The following UTP11 variants were observed in gnomAD, a reference collection of about 807,000 sequenced individuals.
The protein encoded by UTP11 is probable U3 small nucleolar RNA-associated protein 11.
A neutral mutation model predicts 39.0 loss-of-function variants in UTP11; 29 were observed. That is an observed-to-expected ratio of 0.74 (90% confidence interval 0.55 to 1.01). UTP11 has a LOEUF of 1.01. Among genes scored for constraint, UTP11 ranks in the 50% least tolerant of loss-of-function variants. The probability of loss-of-function intolerance (pLI) is 0.00; values close to 1 mark genes in which losing one functional copy is unlikely to be tolerated. For synonymous variants in UTP11, 111 were observed against 105.0 expected, an observed-to-expected ratio of 1.06 and a Z score of -0.35; for missense variants, 281 against 306.0, an observed-to-expected ratio of 0.92 and a Z score of 0.61.
At chr1:38,018,628 A>G in intron 4 of UTP11, 51 bp downstream of exon 4, 1 of 1,321,668 alleles carries the variant, frequency 7.6e-7, no homozygotes, top group Non-Finnish European at 1.1e-6. Context: ...AGGGAAACTT[A>G]AATTCATCAA....
intron 7 of UTP11, 74 bp from the exon 8 acceptor site, chr1:38,023,471 G>C (rs559397290): frequency 3.4e-5 from 46 of 1,344,944 alleles, no homozygotes; most frequent in Non-Finnish European, 4.3e-5. Context: ...GGTGCTAATA[G>C]GTAGTTTATT....
chr1:38,012,762 A>G lies in UTP11; in HGVS notation c.-41A>G, dbSNP rs561704515. The G allele has an allele frequency of 2.0e-5, 33 of 1,613,792 alleles. No homozygotes were observed. In the East Asian group the frequency reaches 4.7e-4, roughly 23 times the overall value. On this transcript the variant is annotated 5_prime_UTR_variant, in exon 1 of 8. Coordinates refer to ENST00000373014, the MANE Select transcript of UTP11 (RefSeq NM_016037.4). ...GGACTTGGCGGCAGAGGCAGTGCGG[A>G]TCCGGCGTTCTCCACTGATCTTTTC...
intron 6 of UTP11, among the ~76,000 whole-genome samples, chr1:38,020,760 G>A (rs957071684): frequency 6.6e-6 from 1 of 152,166 alleles, no homozygotes; most frequent in Non-Finnish European, 1.5e-5. Flanking sequence ...GCAATAAAGC[G>A]AAAACAAAAG....
At chr1:38,022,564 C>T (rs777892662) in intron 6 of UTP11, 135 bp from the exon 7 acceptor site, 270 of 637,620 alleles carry the variant, frequency 4.2e-4, no homozygotes, top group South Asian at 1.3e-3. Flanking sequence ...GTTATTGTTA[C>T]CACGTTATGT....
chr1:38,019,220 C>T lies in UTP11; in HGVS notation c.437-33C>T, dbSNP rs776253941. On this transcript the variant is annotated intron_variant, in intron 5 of 7. Transcript: ENST00000373014. Reference sequence around the variant, plus strand: ...GTCTGTGTCATTTGGTGTTAGAAACCGACAGTGCCTTAAGGATTGTCTTGA... The same window carrying T: ...GTCTGTGTCATTTGGTGTTAGAAACTGACAGTGCCTTAAGGATTGTCTTGA... The T allele has an allele frequency of 1.1e-5, 18 of 1,613,630 alleles. 1 individual carries two copies. The East Asian group carries it at 2.0e-4, about 18-fold the overall frequency.
intron 1 of UTP11, 23 bp downstream of exon 1, chr1:38,012,888 A>C: frequency 6.2e-7 from 1 of 1,614,142 alleles, no homozygotes; most frequent in Non-Finnish European, 8.5e-7. Context: ...AGGCCCCACA[A>C]GTGCTGGCCT....
rs181812240 is a variant in UTP11 at position 38,013,842 on chromosome 1, G to A, written c.63+977G>A. On this transcript the variant is annotated intron_variant, in intron 1 of 7. Coordinates refer to ENST00000373014, the MANE Select transcript of UTP11 (RefSeq NM_016037.4). Reference sequence around the variant, plus strand: ...CGGTTCTCCTGCCTCAGCCTCTCGAGTAGCTGGGACTGCAGGTGCACACTA... The same window carrying A: ...CGGTTCTCCTGCCTCAGCCTCTCGAATAGCTGGGACTGCAGGTGCACACTA... Among the ~76,000 whole-genome samples, 36 of 152,310 alleles carry A rather than the reference G, an allele frequency of 2.4e-4. 1 individual carries two copies. The highest frequency in any genetic ancestry group is 2.1e-3 in the East Asian group (11 of 5,182).
chr1:38,017,518 C>G, intron 2 of UTP11, 150 bp from the exon 3 acceptor site: 1 of 574,852 alleles, frequency 1.7e-6, no homozygotes, highest in Non-Finnish European at 3.0e-6. Flanking sequence ...AGTGGAGTGT[C>G]CAGATCCAGT....
chr1:38,017,219 T>C (rs1293889142), intron 2 of UTP11: 5 of 153,106 alleles, frequency 3.3e-5, no homozygotes, highest in African/African-American at 1.2e-4. Context: ...TAGCCAGAAG[T>C]TGTCAAGTCC....
At chr1:38,014,843 T>G (rs942654688) in intron 1 of UTP11, among the ~76,000 whole-genome samples, 3 of 152,032 alleles carry the variant, frequency 2.0e-5, no homozygotes, top group African/African-American at 7.3e-5. Flanking sequence ...GAGGTCTCAC[T>G]GTGTTGCCCA....
At position 38,018,655 on chromosome 1, in the gene UTP11, A is replaced by G. The variant is rs971761226; in HGVS notation, c.342+78A>G. ...ATTCATCAATCTCAAGTTATTCATTAATTTCTTCTGGCATTTACAATCTCA... is the reference window on the plus strand; with the variant it reads ...ATTCATCAATCTCAAGTTATTCATTGATTTCTTCTGGCATTTACAATCTCA... On this transcript the variant is annotated intron_variant, in intron 4 of 7. Coordinates refer to ENST00000373014, the MANE Select transcript of UTP11 (RefSeq NM_016037.4). 14 of 1,106,914 alleles carry G rather than the reference A, an allele frequency of 1.3e-5. No individual in the cohort carries two copies. The African/African-American group carries it at 2.0e-4, about 16-fold the overall frequency. The allele number at this position is 1,106,914 out of a possible 1,614,324, so 68.6% of individuals were successfully genotyped here. A position where few individuals can be genotyped will look rare whatever the true frequency, so the allele number is the denominator to read the frequency against.
At chr1:38,023,078 C>G (rs1288689634) in intron 7 of UTP11, among the ~76,000 whole-genome samples, 1 of 152,168 alleles carries the variant, frequency 6.6e-6, no homozygotes, top group African/African-American at 2.4e-5. Flanking sequence ...AGCTTATGAG[C>G]AGCTCCCGTA....
Position 38,023,543 on chromosome 1 carries a change from A to G in UTP11, c.679-2A>G. The stretch of plus-strand genomic sequence containing the variant: ...ACTGATCACCTTTTTACTCTTTTGT[A>G]GGATAAAACTCAGAAAGTGAAGGTG... On this transcript the variant is annotated splice_acceptor_variant, in intron 7 of 7. Transcript: ENST00000373014. LOFTEE classifies it high-confidence loss of function. The G allele has an allele frequency of 1.2e-6, 2 of 1,608,296 alleles. No homozygotes were observed. Among genetic ancestry groups the G allele is most frequent in the East Asian group, 2.2e-5 (1 of 44,698 alleles).
At chr1:38,020,092 A>C (rs1041013308) in intron 6 of UTP11, among the ~76,000 whole-genome samples, 1 of 152,100 alleles carries the variant, frequency 6.6e-6, no homozygotes, top group Admixed American at 6.5e-5. Context: ...TACGCACATC[A>C]AAAGGTCTTT....
intron 1 of UTP11, among the ~76,000 whole-genome samples, chr1:38,013,408 G>C (rs542037472): frequency 1.8e-4 from 27 of 152,322 alleles, no homozygotes; most frequent in Non-Finnish European, 2.9e-4. Context: ...AGGAAACTGA[G>C]GTCCAGAGTG....
rs754879279 is a variant in UTP11, at chr1:38,018,547, T to C, written c.312T>C (p.Tyr104=). 4.3e-6 allele frequency: 7 copies of C among 1,613,632 alleles called. No individual in the cohort carries two copies. Among genetic ancestry groups the C allele is most frequent in the Non-Finnish European group, 5.9e-6 (7 of 1,179,860 alleles). ...LKLMRTQDVK[Y]IEMKRVAEAK... ...TGATGAGAACTCAGGACGTCAAATA[T>C]ATAGAAATGAAGAGGGTTGCAGAAG... Residue 104 remains tyrosine, a synonymous_variant, in exon 4 of 8, where the codon TAT becomes TAC. Coordinates refer to ENST00000373014, the MANE Select transcript of UTP11 (RefSeq NM_016037.4).
Position 38,017,773 on chromosome 1 carries a change from G to C in UTP11, c.228+3G>C. The C allele has an allele frequency of 6.2e-7, 1 of 1,604,836 alleles. No individual in the cohort carries two copies. The highest frequency in any genetic ancestry group is 1.1e-5 in the South Asian group (1 of 88,772). ...AAATGACTCGGGTTAAACTCCAGGTGGGTGCCCAATGGCTTGGTTGGTGTT... is the reference window on the plus strand; with the variant it reads ...AAATGACTCGGGTTAAACTCCAGGTCGGTGCCCAATGGCTTGGTTGGTGTT... On this transcript the variant is annotated splice_donor_region_variant and intron_variant, in intron 3 of 7. Coordinates refer to ENST00000373014, the MANE Select transcript of UTP11 (RefSeq NM_016037.4).
chr1:38,020,051 A>C (rs1489613598), intron 6 of UTP11, among the ~76,000 whole-genome samples: 1 of 152,132 alleles, frequency 6.6e-6, no homozygotes, highest in Non-Finnish European at 1.5e-5. Context: ...AAGGATTTGC[A>C]ATACTTTAAT....
chr1:38,020,017 A>C (rs1268723828), intron 6 of UTP11, among the ~76,000 whole-genome samples: 1 of 152,198 alleles, frequency 6.6e-6, no homozygotes, highest in South Asian at 2.1e-4. Context: ...TTGAAAATGC[A>C]GAGAAAGGGA....
Sources: gnomAD v4.1 joint callset for allele counts (sites outside exome capture counted in the v4.1 genomes callset) on GRCh38, gnomAD v4.1.1 for gene constraint, MANE v1.5 for transcripts, NCBI Gene and HGNC (gene_info 2026-07-23, HGNC 2026-07-21) for gene names.